The following PLCH1 variants were observed in gnomAD, a reference collection of about 807,000 sequenced individuals.
The protein encoded by PLCH1 is phospholipase C eta 1, also known as 1-phosphatidylinositol 4,5-bisphosphate phosphodiesterase eta-1.
PLCH1 carries 60 observed loss-of-function variants against 126.7 expected under a neutral mutation model. The observed-to-expected ratio is 0.47, with a 90% CI of 0.38 to 0.59. The LOEUF is 0.59. PLCH1 is among the 20% of genes least tolerant of loss of function. The probability of loss-of-function intolerance (pLI) is 0.00; values close to 1 mark genes in which losing one functional copy is unlikely to be tolerated. For missense variants in PLCH1, 1,723 were observed against 2,040.0 expected (o/e 0.84, Z 2.99); for synonymous variants, 719 against 734.9 (o/e 0.98, Z 0.35).
chr3:155,461,907 A>G (rs1712740802), intron 21 of PLCH1, among the ~76,000 whole-genome samples: 1 of 152,172 alleles, frequency 6.6e-6, no homozygotes, highest in Non-Finnish European at 1.5e-5. Flanking sequence ...GATCCTATGT[A>G]TGGATTGGAA....
At chr3:155,453,360 T>A (rs1712360754) in intron 21 of PLCH1, among the ~76,000 whole-genome samples, 1 of 152,224 alleles carries the variant, frequency 6.6e-6, no homozygotes, top group Admixed American at 6.5e-5. Flanking sequence ...TATTGTATAG[T>A]GCTAACTTCC....
chr3:155,604,841 G>C (rs1734159216), intron 2 of PLCH1, among the ~76,000 whole-genome samples: 1 of 152,192 alleles, frequency 6.6e-6, no homozygotes, highest in Non-Finnish European at 1.5e-5. Flanking sequence ...TGTGCAAACT[G>C]GTTAAGAGAA....
chr3:155,486,513 G>GTTTTTT (rs397733786), intron 21 of PLCH1, among the ~76,000 whole-genome samples: 70 of 102,018 alleles, frequency 6.9e-4, no homozygotes, highest in Non-Finnish European at 9.8e-4. Flanking sequence ...GCTCAAGTTT[G>GTTTTTT]TTTTTTTTTT....
intron 2 of PLCH1, among the ~76,000 whole-genome samples, chr3:155,610,569 C>G (rs891618182): frequency 6.6e-6 from 1 of 151,918 alleles, no homozygotes; most frequent in Non-Finnish European, 1.5e-5. Context: ...TTGGCCTCCT[C>G]AAACAAGATA....
chr3:155,517,205 G>A (rs1720457338), intron 11 of PLCH1, among the ~76,000 whole-genome samples: 2 of 152,106 alleles, frequency 1.3e-5, no homozygotes, highest in Admixed American at 6.5e-5. Context: ...TACTTGGGAG[G>A]CTGAGGTGGA....
intron 14 of PLCH1, among the ~76,000 whole-genome samples, chr3:155,499,472 A>G (rs1384848150): frequency 1.3e-5 from 2 of 152,248 alleles, no homozygotes; most frequent in African/African-American, 4.8e-5. Context: ...ATTCCGTGAT[A>G]TGGAGAAATT....
intron 21 of PLCH1, among the ~76,000 whole-genome samples, chr3:155,453,135 G>A (rs1712351272): frequency 6.6e-6 from 1 of 152,110 alleles, no homozygotes; most frequent in Non-Finnish European, 1.5e-5. Context: ...ATGGAATTTT[G>A]CCAACAAGGC....
rs750668767 is a variant in PLCH1 at position 155,648,535 on chromosome 3, G to A, written c.80-52157C>T. Among the ~76,000 whole-genome samples the A allele has an allele frequency of 8.2e-4, 125 of 152,190 alleles. 1 individual carries two copies. Among genetic ancestry groups the A allele is most frequent in the Middle Eastern group, 3.4e-3 (1 of 294 alleles). ...CCGGGTCACATTTAAATTTCCCTAC[G>A]TGCCTCAGTTATTCATATGTTCTCT... On this transcript the variant is annotated intron_variant, in intron 2 of 22. Transcript: ENST00000460012.
At chr3:155,624,905 T>C (rs1737033349) in intron 2 of PLCH1, among the ~76,000 whole-genome samples, 3 of 152,190 alleles carry the variant, frequency 2.0e-5, no homozygotes, top group Admixed American at 6.5e-5. Context: ...TTAAATTTCA[T>C]ATGGAACAAC....
rs1728489144 is a variant in PLCH1 at position 155,566,302 on chromosome 3, CATATATATACATATAT to C, written c.866-1200_866-1185del. On this transcript the variant is annotated intron_variant, in intron 7 of 22. Coordinates refer to ENST00000460012, the MANE Select transcript of PLCH1 (RefSeq NM_014996.4). The stretch of plus-strand genomic sequence containing the variant: ...ATACATATATATACGTATATATACA[CATATATATACATATAT>C]ACATATATATACGTATATATACACA... 2.5e-4 allele frequency among the ~76,000 whole-genome samples: 5 copies of C among 19,900 alleles called. 2 individuals carry two copies. The highest frequency in any genetic ancestry group is 1.1e-3 in the Admixed American group (2 of 1,902). 13.1% of individuals were successfully genotyped at this position (19,900 alleles called of 152,430 possible). A position where few individuals can be genotyped will look rare whatever the true frequency, so the allele number is the denominator to read the frequency against.
chr3:155,571,494 G>A (rs1237732068), intron 6 of PLCH1, among the ~76,000 whole-genome samples: 2 of 152,130 alleles, frequency 1.3e-5, no homozygotes, highest in East Asian at 1.9e-4. Context: ...TCTGCTTACC[G>A]CGTTCAAGCA....
chr3:155,532,233 C>G (rs1264069165), intron 10 of PLCH1, among the ~76,000 whole-genome samples: 3 of 152,162 alleles, frequency 2.0e-5, no homozygotes, highest in Non-Finnish European at 2.9e-5. Context: ...TGTGAAGACT[C>G]GCATCGTGAA....
In PLCH1 at chr3:155,581,749, CT is replaced by C. The variant is rs55649426; in HGVS notation, c.771+1722del. ...GTTATAGTTGCACAACTCTTTTTTC[CT>C]TTTTTTTTTTTTTGAGACGGAGTTT... is the stretch of plus-strand genomic sequence containing the variant. On this transcript the variant is annotated intron_variant, in intron 6 of 22. Coordinates refer to ENST00000460012, the MANE Select transcript of PLCH1 (RefSeq NM_014996.4). 4.8e-3 allele frequency among the ~76,000 whole-genome samples: 680 copies of C among 141,472 alleles called. 5 individuals carry two copies. The highest frequency in any genetic ancestry group is 0.018 in the Middle Eastern group (5 of 282). The allele number at this position is 141,472 out of a possible 152,430, so 92.8% of individuals were successfully genotyped here. A position where few individuals can be genotyped will look rare whatever the true frequency, so the allele number is the denominator to read the frequency against.
chr3:155,555,681 T>G (rs1726733203), intron 8 of PLCH1, among the ~76,000 whole-genome samples: 1 of 152,218 alleles, frequency 6.6e-6, no homozygotes, highest in Non-Finnish European at 1.5e-5. Flanking sequence ...AGGCAAATTT[T>G]CTCACACACA....
intron 2 of PLCH1, among the ~76,000 whole-genome samples, chr3:155,639,288 G>C (rs947362803): frequency 6.6e-6 from 1 of 151,800 alleles, no homozygotes; most frequent in African/African-American, 2.4e-5. Flanking sequence ...GTGAAACCTT[G>C]TCTCCACAAA....
At chr3:155,702,049 TAAG>T (rs1399139994) in intron 2 of PLCH1, among the ~76,000 whole-genome samples, 2 of 152,224 alleles carry the variant, frequency 1.3e-5, no homozygotes, top group South Asian at 2.1e-4. Flanking sequence ...TTCTTGAATG[TAAG>T]AAGTAACCAA....
chr3:155,565,853 G>A (rs1295910659), intron 7 of PLCH1, among the ~76,000 whole-genome samples: 5 of 151,248 alleles, frequency 3.3e-5, no homozygotes, highest in African/African-American at 4.8e-5. Context: ...GCGCCACTGC[G>A]TGTAGCTAAT....
At chr3:155,707,517 C>T (rs1021606655) in intron 1 of PLCH1, among the ~76,000 whole-genome samples, 12 of 151,960 alleles carry the variant, frequency 7.9e-5, no homozygotes, top group African/African-American at 2.7e-4. Flanking sequence ...GGCAAAACTC[C>T]GTCTCTACTA....
chr3:155,737,096 G>T (rs952100216), intron 1 of PLCH1, among the ~76,000 whole-genome samples: 1 of 151,592 alleles, frequency 6.6e-6, no homozygotes, highest in Admixed American at 6.6e-5. Context: ...GCCGGGCGTG[G>T]TGGCGCACGT....
Sources: allele counts gnomAD v4.1 joint callset (sites outside exome capture counted in the v4.1 genomes callset), GRCh38; gene constraint gnomAD v4.1.1; transcripts MANE v1.5; gene names NCBI Gene and HGNC (gene_info 2026-07-23, HGNC 2026-07-21).